Variants in GRIK2 observed in about 807,000 individuals in gnomAD.
GRIK2 encodes the protein glutamate receptor ionotropic, kainate 2.
A neutral mutation model predicts 100.3 loss-of-function variants in GRIK2; 32 were observed. That is an observed-to-expected ratio of 0.32 (90% CI 0.24 to 0.43). The LOEUF (loss-of-function observed/expected upper bound fraction) is 0.43. GRIK2 is among the 20% of genes least tolerant of loss of function. GRIK2 has a pLI of 1.00. For missense variants in GRIK2, 843 were observed against 1,114.9 expected, an observed-to-expected ratio of 0.76 and a Z score of 3.47; for synonymous variants, 417 against 389.4, an observed-to-expected ratio of 1.07 and a Z score of -0.83.
At chr6:101,786,678 T>C (rs1779442018) in intron 7 of GRIK2, among the ~76,000 whole-genome samples, 1 of 152,104 alleles carries the variant, frequency 6.6e-6, no homozygotes, top group African/African-American at 2.4e-5. Flanking sequence ...GATGTTCTGT[T>C]GAATTTAGCT....
intron 11 of GRIK2, among the ~76,000 whole-genome samples, chr6:101,877,825 A>G (rs987824770): frequency 6.6e-6 from 1 of 151,792 alleles, no homozygotes; most frequent in Non-Finnish European, 1.5e-5. Flanking sequence ...GTGGAGAGAT[A>G]AACAGTCCAT....
chr6:101,645,871 T>C (rs2518290), intron 4 of GRIK2, among the ~76,000 whole-genome samples: 2,898 of 152,068 alleles, frequency 0.019, 105 homozygotes, highest in African/African-American at 0.066. Context: ...TTCTGCTCTT[T>C]ACTGACTAAC....
chr6:101,654,409 G>A (rs1480948283), intron 4 of GRIK2, among the ~76,000 whole-genome samples: 1 of 152,116 alleles, frequency 6.6e-6, no homozygotes, highest in African/African-American at 2.4e-5. Flanking sequence ...TTCTTCTGAT[G>A]TCTGCTTCTA....
chr6:101,758,319 T>C (rs2128388407), intron 7 of GRIK2, among the ~76,000 whole-genome samples: 1 of 152,348 alleles, frequency 6.6e-6, no homozygotes, highest in Admixed American at 6.5e-5. Context: ...AATATTTTTT[T>C]CAGTGTATTT....
At chr6:101,859,962 T>A (rs775316688) in intron 11 of GRIK2, among the ~76,000 whole-genome samples, 1 of 152,198 alleles carries the variant, frequency 6.6e-6, no homozygotes, top group Non-Finnish European at 1.5e-5. Flanking sequence ...GGCCTTTTTT[T>A]AGAATTTAGT....
At chr6:101,855,218 C>T (rs139589113) in intron 10 of GRIK2, among the ~76,000 whole-genome samples, 44 of 152,232 alleles carry the variant, frequency 2.9e-4, no homozygotes, top group East Asian at 1.5e-3. Context: ...TGAGCACCAA[C>T]GGCTTGCCAG....
intron 15 of GRIK2, among the ~76,000 whole-genome samples, chr6:102,036,719 C>T (rs768998872): frequency 4.4e-4 from 66 of 151,444 alleles, no homozygotes; most frequent in South Asian, 8.3e-4. Context: ...CCTTCAGAGA[C>T]ATCACTTTTA....
Position 101,704,394 on chromosome 6 carries a change from C to G in GRIK2, c.951+18041C>G, listed in dbSNP as rs926542940. Among the ~76,000 whole-genome samples the G allele has an allele frequency of 2.6e-5, 4 of 151,368 alleles. No individual in the cohort carries two copies. In the Admixed American group the frequency reaches 2.6e-4, roughly 10 times the overall value. ...GAATAGGGTCATTTGAGTCACTGGG[C>G]TGGGAGGATAGGGGATTTGTTAAAA... On this transcript the variant is annotated intron_variant, in intron 7 of 16. Transcript: ENST00000369134.
intron 14 of GRIK2, among the ~76,000 whole-genome samples, chr6:101,967,264 T>G (rs2128484659): frequency 6.6e-6 from 1 of 152,182 alleles, no homozygotes; most frequent in South Asian, 2.1e-4. Context: ...TTAACATTGA[T>G]ACTTTATATA....
intron 11 of GRIK2, among the ~76,000 whole-genome samples, chr6:101,883,971 G>A (rs1376051840): frequency 6.6e-6 from 1 of 152,108 alleles, no homozygotes; most frequent in East Asian, 1.9e-4. Context: ...AGAACCTTCT[G>A]GAGTTAGGAT....
At chr6:101,728,654 G>A (rs957288525) in intron 7 of GRIK2, among the ~76,000 whole-genome samples, 18 of 152,094 alleles carry the variant, frequency 1.2e-4, no homozygotes, top group African/African-American at 4.3e-4. Flanking sequence ...ATAACATGGA[G>A]ATAACAATAC....
Position 101,546,819 on chromosome 6 carries a change from C to CTTT in GRIK2, c.116-75104_116-75102dup, listed in dbSNP as rs1169622526. The stretch of plus-strand genomic sequence containing the variant: ...TCCTCCAACTCTCATGTTTTTGTTT[C>CTTT]TTTTTTTTTTTTTTTTTTTTTTTTT... On this transcript the variant is annotated intron_variant, in intron 2 of 16. Coordinates refer to ENST00000369134, the MANE Select transcript of GRIK2 (RefSeq NM_021956.5). Among the ~76,000 whole-genome samples, 201 of 76,922 alleles carry CTTT rather than the reference C, an allele frequency of 2.6e-3. 44 individuals are homozygous for CTTT. Among genetic ancestry groups the CTTT allele is most frequent in the African/African-American group, 4.4e-3 (92 of 21,080 alleles). 50.5% of individuals were successfully genotyped at this position (76,922 alleles called of 152,430 possible).
Position 101,818,457 on chromosome 6 carries a change from C to A in GRIK2, c.1291C>A (p.Arg431Ser). The A allele has an allele frequency of 6.2e-7, 1 of 1,603,310 alleles. No individual in the cohort carries two copies. Among genetic ancestry groups the A allele is most frequent in the Non-Finnish European group, 8.5e-7 (1 of 1,170,330 alleles). The change falls in exon 10 of 17, where the codon CGT becomes AGT. Residue 431 changes from arginine (R) to serine (S), a missense_variant. Coordinates refer to ENST00000369134, the MANE Select transcript of GRIK2 (RefSeq NM_021956.5). ...GAACATCACAGATTCCTTATCCAAT[C>A]GTTCTTTGATTGTTACCACCATTTT... The part of the protein sequence containing the change: ...PANITDSLSN[R>S]SLIVTTILEE...
chr6:102,051,801 T>C (rs1195721836), intron 15 of GRIK2, among the ~76,000 whole-genome samples: 1 of 152,184 alleles, frequency 6.6e-6, no homozygotes, highest in East Asian at 1.9e-4. Context: ...CAATGATGCA[T>C]GTTCTAATAG....
intron 2 of GRIK2, among the ~76,000 whole-genome samples, chr6:101,448,994 G>T: frequency 6.6e-6 from 1 of 151,458 alleles, no homozygotes. Context: ...AAAGAAAGCA[G>T]AGAATATACT....
rs538814000 is a variant in GRIK2 at position 101,488,480 on chromosome 6, C to T, written c.115+89088C>T. ...AAGATTTTCATGTAAAAGGTGAAGACGAATTTTGTGTGAGGTTTATCAGAG... is the reference window on the plus strand; with the variant it reads ...AAGATTTTCATGTAAAAGGTGAAGATGAATTTTGTGTGAGGTTTATCAGAG... On this transcript the variant is annotated intron_variant, in intron 2 of 16. Coordinates refer to ENST00000369134, the MANE Select transcript of GRIK2 (RefSeq NM_021956.5). Among the ~76,000 whole-genome samples, 13 of 146,510 alleles carry T rather than the reference C, an allele frequency of 8.9e-5. 1 individual carries two copies. Among genetic ancestry groups the T allele is most frequent in the East Asian group, 7.8e-4 (4 of 5,126 alleles).
chr6:101,685,181 G>A (rs1489313875), intron 6 of GRIK2, among the ~76,000 whole-genome samples: 5 of 152,072 alleles, frequency 3.3e-5, no homozygotes. Flanking sequence ...GGCATATATT[G>A]CCATCCTTTA....
At chr6:101,585,541 CAT>C (rs1315995236) in intron 2 of GRIK2, among the ~76,000 whole-genome samples, 1 of 151,982 alleles carries the variant, frequency 6.6e-6, no homozygotes, top group Non-Finnish European at 1.5e-5. Context: ...GGTAGCACAA[CAT>C]AATGAGGTAA....
intron 7 of GRIK2, among the ~76,000 whole-genome samples, chr6:101,702,666 A>G (rs987043676): frequency 6.6e-6 from 1 of 151,964 alleles, no homozygotes; most frequent in African/African-American, 2.4e-5. Flanking sequence ...GAAAATATAA[A>G]CAATGAAAGA....
Sources: allele counts gnomAD v4.1 joint callset (sites outside exome capture counted in the v4.1 genomes callset), GRCh38; gene constraint gnomAD v4.1.1; transcripts MANE v1.5; gene names NCBI Gene and HGNC (gene_info 2026-07-23, HGNC 2026-07-21).